MACROD2: variants seen among roughly 807,000 people sequenced by gnomAD.
MACROD2 encodes the protein ADP-ribose glycohydrolase MACROD2.
In MACROD2, 36 loss-of-function variants were observed where a neutral mutation model predicts 70.4. The observed-to-expected ratio is 0.51, with a 90% CI of 0.39 to 0.68. The LOEUF (loss-of-function observed/expected upper bound fraction) is 0.68, where lower values mean the gene tolerates loss of function less well. Ranked by LOEUF, MACROD2 falls within the 30% of genes least tolerant of loss-of-function variation. The pLI is 0.00. For synonymous variants in MACROD2, 172 were observed against 178.8 expected (o/e 0.96, Z 0.30); for missense variants, 496 against 538.4 (o/e 0.92, Z 0.78).
intron 3 of MACROD2, among the ~76,000 whole-genome samples, chr20:14,338,222 A>G (rs995778054): frequency 1.3e-5 from 2 of 152,146 alleles, no homozygotes; most frequent in Non-Finnish European, 2.9e-5. Flanking sequence ...ACCAACATGT[A>G]GAAAAAATTA....
At chr20:15,871,989 G>A (rs1160250789) in intron 9 of MACROD2, among the ~76,000 whole-genome samples, 1 of 152,130 alleles carries the variant, frequency 6.6e-6, no homozygotes, top group African/African-American at 2.4e-5. Context: ...AGTGAACAAA[G>A]GCTAAAGAAA....
chr20:15,407,167 G>T (rs1011433884), intron 6 of MACROD2, among the ~76,000 whole-genome samples: 1 of 152,130 alleles, frequency 6.6e-6, no homozygotes, highest in African/African-American at 2.4e-5. Flanking sequence ...TCACTTGCTG[G>T]AGACTTCCTG....
chr20:14,616,175 A>G (rs1983466290), intron 4 of MACROD2, among the ~76,000 whole-genome samples: 1 of 152,162 alleles, frequency 6.6e-6, no homozygotes, highest in Admixed American at 6.6e-5. Context: ...TGTCATGGCC[A>G]TATAAACAGC....
At chr20:14,473,082 G>A (rs2084548904) in intron 3 of MACROD2, among the ~76,000 whole-genome samples, 1 of 152,074 alleles carries the variant, frequency 6.6e-6, no homozygotes, top group African/African-American at 2.4e-5. Context: ...AGTAGAACGT[G>A]ATGTTTCAAT....
intron 5 of MACROD2, among the ~76,000 whole-genome samples, chr20:15,091,364 T>A (rs908813048): frequency 2.0e-5 from 3 of 150,924 alleles, no homozygotes; most frequent in African/African-American, 2.4e-5. Context: ...AAAAAAAAAA[T>A]GAAAAATAAA....
intron 7 of MACROD2, among the ~76,000 whole-genome samples, chr20:15,468,439 G>A (rs750747608): frequency 6.6e-6 from 1 of 152,152 alleles, no homozygotes; most frequent in Non-Finnish European, 1.5e-5. Context: ...TGATTTCACA[G>A]TTGACTAGTG....
intron 4 of MACROD2, among the ~76,000 whole-genome samples, chr20:14,648,416 T>A (rs562696519): frequency 2.6e-5 from 4 of 152,290 alleles, no homozygotes; most frequent in Non-Finnish European, 4.4e-5. Flanking sequence ...CAATATAATC[T>A]TCCTGAAATC....
intron 2 of MACROD2, among the ~76,000 whole-genome samples, chr20:14,085,412 T>C (rs1019411788): frequency 2.6e-5 from 4 of 152,132 alleles, no homozygotes; most frequent in Non-Finnish European, 5.9e-5. Flanking sequence ...TTTTATTGTA[T>C]GTCCATTTTG....
rs554484762 is a variant in MACROD2 at position 15,180,557 on chromosome 20, A to T, written c.419-49383A>T. 3.3e-5 allele frequency among the ~76,000 whole-genome samples: 5 copies of T among 152,370 alleles called. No individual in the cohort carries two copies. The East Asian group carries it at 9.7e-4, about 29-fold the overall frequency. On this transcript the variant is annotated intron_variant, in intron 5 of 17. Transcript: ENST00000684519. ...TTCTAGTTCAACAGACACACCATGC[A>T]CGATCATGTCACTGGGCCTTTGCAT...
intron 9 of MACROD2, among the ~76,000 whole-genome samples, chr20:15,873,529 A>G (rs1232792409): frequency 1.3e-5 from 2 of 151,946 alleles, no homozygotes; most frequent in Non-Finnish European, 2.9e-5. Context: ...TCTTTTTCTT[A>G]TTGATTTATA....
intron 3 of MACROD2, among the ~76,000 whole-genome samples, chr20:14,126,771 A>G (rs2054656192): frequency 6.6e-6 from 1 of 152,176 alleles, no homozygotes; most frequent in Admixed American, 6.5e-5. Context: ...TGATGTTACC[A>G]TTGTAACTGT....
At position 14,998,896 on chromosome 20, in the gene MACROD2, C is replaced by T. The variant is rs569037840; in HGVS notation, c.419-231044C>T. On this transcript the variant is annotated intron_variant, in intron 5 of 17. Coordinates refer to ENST00000684519, the MANE Select transcript of MACROD2 (RefSeq NM_001351661.2). ...TCTAAAAGCAGCAGGAGAAAAGAAA[C>T]AACTAACATACAATGGAGCTCCAAT... Among the ~76,000 whole-genome samples, 11 of 152,276 alleles carry T rather than the reference C, an allele frequency of 7.2e-5. No individual in the cohort carries two copies. The East Asian group carries it at 2.1e-3, about 29-fold the overall frequency.
At chr20:14,379,028 C>T (rs1387983516) in intron 3 of MACROD2, among the ~76,000 whole-genome samples, 1 of 152,124 alleles carries the variant, frequency 6.6e-6, no homozygotes, top group African/African-American at 2.4e-5. Context: ...AGCACTTTCC[C>T]CAATAATAAT....
At chr20:15,982,109 A>G (rs2066409443) in intron 13 of MACROD2, among the ~76,000 whole-genome samples, 1 of 151,976 alleles carries the variant, frequency 6.6e-6, no homozygotes, top group Non-Finnish European at 1.5e-5. Flanking sequence ...CTTCTGTTCT[A>G]GCTATTACTT....
intron 8 of MACROD2, among the ~76,000 whole-genome samples, chr20:15,794,777 A>G (rs2063657415): frequency 6.6e-6 from 1 of 152,192 alleles, no homozygotes; most frequent in African/African-American, 2.4e-5. Flanking sequence ...GTTTGCATCA[A>G]GTGAAGCTTT....
At chr20:15,320,034 C>T (rs1368489443) in intron 6 of MACROD2, among the ~76,000 whole-genome samples, 2 of 152,108 alleles carry the variant, frequency 1.3e-5, no homozygotes, top group Non-Finnish European at 2.9e-5. Flanking sequence ...CATGGTGAAA[C>T]CCCATCTCTA....
At chr20:15,511,796 T>C (rs957965748) in intron 8 of MACROD2, among the ~76,000 whole-genome samples, 13 of 152,190 alleles carry the variant, frequency 8.5e-5, no homozygotes, top group Non-Finnish European at 1.5e-4. Flanking sequence ...TTCTTGGAGA[T>C]GTGACAATCA....
chr20:14,020,698 C>A (rs557669509), intron 2 of MACROD2, among the ~76,000 whole-genome samples: 13 of 152,062 alleles, frequency 8.5e-5, no homozygotes, highest in Non-Finnish European at 1.5e-4. Context: ...CTGTAGTAGT[C>A]CATTTGTCCT....
intron 3 of MACROD2, among the ~76,000 whole-genome samples, chr20:14,236,829 T>C (rs1050335447): frequency 6.6e-6 from 1 of 152,180 alleles, no homozygotes. Flanking sequence ...AGATACACCA[T>C]ATTTTAAACT....
Sources: gnomAD v4.1 joint callset for allele counts (sites outside exome capture counted in the v4.1 genomes callset) on GRCh38, gnomAD v4.1.1 for gene constraint, MANE v1.5 for transcripts, NCBI Gene and HGNC (gene_info 2026-07-23, HGNC 2026-07-21) for gene names.